The following CATSPER3 variants were observed in gnomAD, a reference collection of about 807,000 sequenced individuals.
CATSPER3 encodes the protein cation channel sperm associated 3.
Under a neutral mutation model 36.6 loss-of-function variants are expected in CATSPER3, and 23 were observed. The observed-to-expected ratio is 0.63, with a 90% CI of 0.45 to 0.89. The LOEUF is 0.89. Among genes scored for constraint, CATSPER3 ranks in the 40% least tolerant of loss-of-function variants. CATSPER3 has a pLI of 0.00. For missense variants in CATSPER3, 474 were observed against 503.9 expected (o/e 0.94, Z 0.57); for synonymous variants, 172 against 184.1 (o/e 0.93, Z 0.53).
In CATSPER3 at chr5:134,996,305, A is replaced by G. The variant is rs752542331; in HGVS notation, c.285A>G (p.Thr95=). The G allele has an allele frequency of 3.7e-6, 6 of 1,614,266 alleles. No individual in the cohort carries two copies. Among genetic ancestry groups the G allele is most frequent in the South Asian group, 1.1e-5 (1 of 91,088 alleles). Residue 95 remains threonine (T), a synonymous_variant, in exon 3 of 8, where the codon ACA becomes ACG. Coordinates refer to ENST00000282611, the MANE Select transcript of CATSPER3 (RefSeq NM_178019.3). ...FSEIFFVSIC[T]SELSMKVYVD... ...AGATCTTCTTTGTGTCCATCTGCAC[A>G]TCTGAGTTGTCCATGAAGGTCTATG...
intron 2 of CATSPER3, 89 bp downstream of exon 2, chr5:134,970,181 A>G (rs1052622729): frequency 4.5e-5 from 56 of 1,250,428 alleles, no homozygotes; most frequent in Non-Finnish European, 6.2e-5. Flanking sequence ...TTTTTCCGAG[A>G]CAGAATCTCA....
chr5:134,968,607 CTTTAA>C (rs1476524029), intron 1 of CATSPER3: 1 of 156,890 alleles, frequency 6.4e-6, no homozygotes, highest in East Asian at 1.9e-4. Context: ...AGGAGAATCC[CTTTAA>C]CCTGGGGGGC....
intron 4 of CATSPER3, 146 bp downstream of exon 4, chr5:135,008,285 C>T (rs1294562893): frequency 1.5e-6 from 1 of 687,768 alleles, no homozygotes. Context: ...GGGGTCTGTT[C>T]CCCATCACAA....
chr5:135,008,711 T>G (rs1580916543), intron 4 of CATSPER3, 130 bp from the exon 5 acceptor site: 1 of 755,146 alleles, frequency 1.3e-6, no homozygotes, highest in Non-Finnish European at 2.4e-6. Context: ...GACTGGGAGG[T>G]GTTGAGGGGA....
At chr5:135,009,955 C>G (rs1306155072) in intron 6 of CATSPER3, among the ~76,000 whole-genome samples, 1 of 152,224 alleles carries the variant, frequency 6.6e-6, no homozygotes, top group East Asian at 1.9e-4. Context: ...AAGCATGATG[C>G]AACCATGAGG....
intron 2 of CATSPER3, among the ~76,000 whole-genome samples, chr5:134,981,913 T>G (rs988129460): frequency 6.6e-6 from 1 of 152,132 alleles, no homozygotes; most frequent in Non-Finnish European, 1.5e-5. Context: ...GTGGATCACT[T>G]GAGGTCAGGA....
rs564831901 is a variant in CATSPER3 at position 135,005,085 on chromosome 5, G to A, written c.493-2872G>A. On this transcript the variant is annotated intron_variant, in intron 3 of 7. Transcript: ENST00000282611. ...GGGAGGAGGGAAGCAAAAAGGACTG[G>A]TGGCAGGGAGGGCTTCCATCTTGGA... Among the ~76,000 whole-genome samples the A allele has an allele frequency of 5.3e-5, 8 of 152,270 alleles. No individual in the cohort carries two copies. In the East Asian group the frequency reaches 1.5e-3, roughly 29 times the overall value.
In CATSPER3 at chr5:134,996,262, T is replaced by C. The variant is rs1227407032; in HGVS notation, c.253-11T>C. The stretch of plus-strand genomic sequence containing the variant: ...TCGATCTGACTTCTCCAACCCTTGC[T>C]ACCCCTGTAGTTCTCGGAGATCTTC... On this transcript the variant is annotated splice_polypyrimidine_tract_variant and intron_variant, in intron 2 of 7. Transcript: ENST00000282611. 2.5e-6 allele frequency: 4 copies of C among 1,614,222 alleles called. No individual in the cohort carries two copies. The South Asian group carries it at 4.4e-5, about 18-fold the overall frequency.
chr5:134,971,432 C>CA (rs1482990578), intron 2 of CATSPER3, among the ~76,000 whole-genome samples: 2 of 151,852 alleles, frequency 1.3e-5, no homozygotes, highest in Admixed American at 1.3e-4. Flanking sequence ...AACAACCAAC[C>CA]AAAAAAACCA....
chr5:134,975,578 A>ACTCCCAGCTGGC (rs2149545757), intron 2 of CATSPER3, among the ~76,000 whole-genome samples: 1 of 152,326 alleles, frequency 6.6e-6, no homozygotes, highest in East Asian at 1.9e-4. Context: ...GCACCACTGC[A>ACTCCCAGCTGGC]CTCCCAGCTG....
chr5:134,972,900 A>G (rs1211311641), intron 2 of CATSPER3, among the ~76,000 whole-genome samples: 1 of 152,214 alleles, frequency 6.6e-6, no homozygotes, highest in East Asian at 1.9e-4. Context: ...CTAAGTATCA[A>G]TGCAATGTGG....
intron 2 of CATSPER3, among the ~76,000 whole-genome samples, chr5:134,994,221 A>G (rs1032858578): frequency 1.3e-5 from 2 of 152,246 alleles, no homozygotes; most frequent in African/African-American, 2.4e-5. Flanking sequence ...TAGGATTCAA[A>G]ATGTATAAAG....
Position 135,009,097 on chromosome 5 carries a change from G to A in CATSPER3, c.816+116G>A, listed in dbSNP as rs1034270098. 19 of 1,411,236 alleles carry A rather than the reference G, an allele frequency of 1.3e-5. No individual in the cohort carries two copies. The African/African-American group carries it at 2.0e-4, about 15-fold the overall frequency. 87.4% of individuals were successfully genotyped at this position (1,411,236 alleles called of 1,614,324 possible). ...AGCTGTGTCTTCCCAATGAAGTGGAGTAGAGGTGGCCAGATGGACCTGTCC... is the reference window on the plus strand; with the variant it reads ...AGCTGTGTCTTCCCAATGAAGTGGAATAGAGGTGGCCAGATGGACCTGTCC... On this transcript the variant is annotated intron_variant, in intron 5 of 7. Transcript: ENST00000282611.
At chr5:134,980,725 G>A (rs1751740103) in intron 2 of CATSPER3, among the ~76,000 whole-genome samples, 1 of 151,896 alleles carries the variant, frequency 6.6e-6, no homozygotes, top group South Asian at 2.1e-4. Context: ...CACCACGCCT[G>A]GCCCCTTTCC....
chr5:134,971,447 A>G (rs957411076), intron 2 of CATSPER3, among the ~76,000 whole-genome samples: 1 of 152,090 alleles, frequency 6.6e-6, no homozygotes, highest in Non-Finnish European at 1.5e-5. Context: ...AAACCAGAGC[A>G]ACTAGGTAGC....
intron 2 of CATSPER3, among the ~76,000 whole-genome samples, chr5:134,994,445 T>C (rs1284592851): frequency 1.3e-5 from 2 of 152,210 alleles, no homozygotes; most frequent in African/African-American, 4.8e-5. Flanking sequence ...AAGAGGAACA[T>C]TGCTGATATT....
At chr5:135,005,509 T>A (rs1195495709) in intron 3 of CATSPER3, among the ~76,000 whole-genome samples, 1 of 152,202 alleles carries the variant, frequency 6.6e-6, no homozygotes, top group Non-Finnish European at 1.5e-5. Context: ...TAACATGCCC[T>A]CTGAATGTTG....
Position 135,010,517 on chromosome 5 carries a change from A to T in CATSPER3, c.1081A>T (p.Thr361Ser), listed in dbSNP as rs1197568928. 1.9e-6 allele frequency: 3 copies of T among 1,614,138 alleles called. 1 individual carries two copies. In the South Asian group the frequency reaches 3.3e-5, roughly 18 times the overall value. ...IYFSTLDYQD[T>S]TVHKLQELYY... Reference sequence around the variant, plus strand: ...CTTTTCCACTCTGGACTACCAGGACACAACTGTCCACAAGTCAGTTCCAGC... The same window carrying T: ...CTTTTCCACTCTGGACTACCAGGACTCAACTGTCCACAAGTCAGTTCCAGC... Residue 361 changes from threonine to serine, a missense_variant, in exon 7 of 8, where the codon ACA becomes TCA. By Grantham distance (58) the Thr-to-Ser change is moderately conservative. Coordinates refer to ENST00000282611, the MANE Select transcript of CATSPER3 (RefSeq NM_178019.3).
At chr5:134,983,030 G>C (rs988184600) in intron 2 of CATSPER3, among the ~76,000 whole-genome samples, 7 of 151,950 alleles carry the variant, frequency 4.6e-5, no homozygotes, top group African/African-American at 1.7e-4. Context: ...CAAAGGGTAA[G>C]CACTAAGGGA....
Sources: gnomAD v4.1 joint callset for allele counts (sites outside exome capture counted in the v4.1 genomes callset) on GRCh38, gnomAD v4.1.1 for gene constraint, MANE v1.5 for transcripts, NCBI Gene and HGNC (gene_info 2026-07-23, HGNC 2026-07-21) for gene names.